AMMECR1: variants seen among roughly 807,000 people sequenced by gnomAD.
The protein encoded by AMMECR1 is nuclear protein AMMECR1.
A neutral mutation model predicts 22.5 loss-of-function variants in AMMECR1; 3 were observed. The observed-to-expected ratio is 0.13, with a 90% confidence interval of 0.06 to 0.35. AMMECR1 has a LOEUF of 0.35. Among genes scored for constraint, AMMECR1 ranks in the 10% least tolerant of loss-of-function variants. The pLI, the probability that AMMECR1 is intolerant of heterozygous loss-of-function variation, is 1.00. For missense variants in AMMECR1, 235 were observed against 278.7 expected (o/e 0.84, Z 1.12); for synonymous variants, 130 against 116.7 (o/e 1.11, Z -0.74).
Position 110,197,461 on chromosome X carries a change from T to C in AMMECR1, c.*1059A>G, listed in dbSNP as rs947500840. 11 of 111,994 alleles carry C rather than the reference T, an allele frequency of 9.8e-5. No individual in the cohort carries two copies. Among genetic ancestry groups the C allele is most frequent in the Non-Finnish European group, 1.9e-4 (10 of 53,091 alleles). 9.2% of individuals were successfully genotyped at this position (111,994 alleles called of 1,213,427 possible). On this transcript the variant is annotated 3_prime_UTR_variant, in exon 6 of 6. Coordinates refer to ENST00000262844, the MANE Select transcript of AMMECR1 (RefSeq NM_015365.3). ...CTAACAAATTTAAATTAATATAAAATAGACAAATGTCTCTTATTGGTTATT... is the reference window on the plus strand; with the variant it reads ...CTAACAAATTTAAATTAATATAAAACAGACAAATGTCTCTTATTGGTTATT...
At chrX:110,234,719 A>G (rs1221559213) in intron 2 of AMMECR1, among the ~76,000 whole-genome samples, 2 of 111,898 alleles carry the variant, frequency 1.8e-5, no homozygotes, top group African/African-American at 6.5e-5. Context: ...GACAAAAACA[A>G]GAAATAGGGA....
chrX:110,404,631 C>T (rs1278256056), intron 2 of AMMECR1, among the ~76,000 whole-genome samples: 1 of 111,790 alleles, frequency 8.9e-6, no homozygotes, highest in Non-Finnish European at 1.9e-5. Context: ...GTACCTCAGC[C>T]TATTATTTTT....
chrX:110,431,640 A>G (rs2148331721), intron 1 of AMMECR1, among the ~76,000 whole-genome samples: 1 of 111,551 alleles, frequency 9.0e-6, no homozygotes, highest in East Asian at 2.8e-4. Flanking sequence ...CCTGGTGTGA[A>G]GACAGACCCT....
intron 2 of AMMECR1, among the ~76,000 whole-genome samples, chrX:110,332,576 G>A (rs942351884): frequency 1.8e-5 from 2 of 112,075 alleles, no homozygotes; most frequent in East Asian, 5.6e-4. Context: ...TAAATAATTT[G>A]TCCTTGTTGT....
chrX:110,394,416 T>C (rs1313724348), intron 2 of AMMECR1, among the ~76,000 whole-genome samples: 1 of 111,835 alleles, frequency 8.9e-6, no homozygotes, highest in Non-Finnish European at 1.9e-5. Flanking sequence ...CATGCCTGGC[T>C]AAATTTTTGT....
chrX:110,414,245 C>T (rs995178499), intron 2 of AMMECR1, among the ~76,000 whole-genome samples: 3 of 112,296 alleles, frequency 2.7e-5, no homozygotes, highest in African/African-American at 9.7e-5. Flanking sequence ...CCAACCTCAG[C>T]GGGGCCCTCA....
chrX:110,320,688 T>G, upstream of AMMECR1, among the ~76,000 whole-genome samples: 1 of 112,397 alleles, frequency 8.9e-6, no homozygotes, highest in Middle Eastern at 4.6e-3. Context: ...ACTGATGCAA[T>G]GGGAAAACCC....
chrX:110,239,851 T>A (rs942064008), intron 2 of AMMECR1, among the ~76,000 whole-genome samples: 2 of 111,742 alleles, frequency 1.8e-5, no homozygotes, highest in African/African-American at 6.5e-5. Context: ...TAACAGTGGA[T>A]CTCTCGGCAG....
intron 2 of AMMECR1, among the ~76,000 whole-genome samples, chrX:110,261,298 T>A (rs1460766301): frequency 8.9e-6 from 1 of 112,243 alleles, no homozygotes; most frequent in Non-Finnish European, 1.9e-5. Flanking sequence ...ACCGGATATT[T>A]GAATTTTTAA....
upstream of AMMECR1, among the ~76,000 whole-genome samples, chrX:110,322,080 T>C (rs1408602609): frequency 1.8e-5 from 2 of 112,574 alleles, no homozygotes; most frequent in African/African-American, 3.2e-5. Context: ...AAAAGCACCA[T>C]GATCTACCTT....
intron 3 of AMMECR1, among the ~76,000 whole-genome samples, chrX:110,212,990 A>G (rs2067455184): frequency 9.0e-6 from 1 of 111,568 alleles, no homozygotes; most frequent in African/African-American, 3.3e-5. Context: ...ATTATAAATG[A>G]CTCACATTTC....
At chrX:110,431,252 G>T (rs1195222091) in intron 1 of AMMECR1, among the ~76,000 whole-genome samples, 2 of 110,964 alleles carry the variant, frequency 1.8e-5, no homozygotes, top group Admixed American at 9.6e-5. Flanking sequence ...TTACCTGGGG[G>T]TTTGCAGTGA....
chrX:110,244,821 G>C (rs2067650576), intron 2 of AMMECR1, among the ~76,000 whole-genome samples: 1 of 112,257 alleles, frequency 8.9e-6, no homozygotes, highest in African/African-American at 3.2e-5. Context: ...AACTACAGCT[G>C]TGTTGTTATA....
chrX:110,356,028 G>A (rs1341062889), intron 2 of AMMECR1, among the ~76,000 whole-genome samples: 1 of 111,056 alleles, frequency 9.0e-6, no homozygotes, highest in Non-Finnish European at 1.9e-5. Flanking sequence ...CTTAAAAAGT[G>A]GATATCATAG....
intron 2 of AMMECR1, among the ~76,000 whole-genome samples, chrX:110,370,704 A>T (rs2068332391): frequency 1.8e-5 from 2 of 112,574 alleles, no homozygotes; most frequent in Non-Finnish European, 3.8e-5. Flanking sequence ...CTGGTAATTT[A>T]AAAAAGTGAA....
chrX:110,233,407 A>G (rs920700335), intron 2 of AMMECR1, among the ~76,000 whole-genome samples: 1 of 112,131 alleles, frequency 8.9e-6, no homozygotes, highest in African/African-American at 3.2e-5. Flanking sequence ...AGACGTACAA[A>G]GAGGAGCTGG....
intron 2 of AMMECR1, among the ~76,000 whole-genome samples, chrX:110,405,201 C>T (rs949420862): frequency 9.3e-6 from 1 of 107,779 alleles, no homozygotes; most frequent in Non-Finnish European, 1.9e-5. Context: ...AAAAAGGTCA[C>T]GTTGCAATTT....
At chrX:110,340,417 T>A (rs775501932) in intron 2 of AMMECR1, among the ~76,000 whole-genome samples, 8 of 112,086 alleles carry the variant, frequency 7.1e-5, no homozygotes, top group Non-Finnish European at 1.3e-4. Flanking sequence ...TATATGCAGG[T>A]GAAGAGGCAC....
chrX:110,300,926 G>A (rs2067963282), intron 1 of AMMECR1, among the ~76,000 whole-genome samples: 1 of 111,270 alleles, frequency 9.0e-6, no homozygotes, highest in Admixed American at 9.6e-5. Context: ...GTTCTTTGAA[G>A]AGGTTTACAA....
Sources: gnomAD v4.1 joint callset for allele counts (sites outside exome capture counted in the v4.1 genomes callset) on GRCh38, gnomAD v4.1.1 for gene constraint, MANE v1.5 for transcripts, NCBI Gene and HGNC (gene_info 2026-07-23, HGNC 2026-07-21) for gene names.